The following DNASE1 variants were observed in gnomAD, a reference collection of about 807,000 sequenced individuals.
DNASE1 encodes deoxyribonuclease-1.
A neutral mutation model predicts 33.9 loss-of-function variants in DNASE1; 40 were observed. The ratio of observed to expected loss-of-function variants is 1.18; its 90% confidence interval spans 0.92 to 1.54. The LOEUF (loss-of-function observed/expected upper bound fraction) is 1.54, where lower values mean the gene tolerates loss of function less well. DNASE1 is among the 40% of genes most tolerant of loss of function. DNASE1 has a pLI of 0.00. For synonymous variants in DNASE1, 216 were observed against 160.0 expected (o/e 1.35, Z -2.64); for missense variants, 518 against 372.6 (o/e 1.39, Z -3.21).
chr16:3,645,355 C>T (rs2042141881), intron 1 of DNASE1, among the ~76,000 whole-genome samples: 2 of 152,178 alleles, frequency 1.3e-5, no homozygotes, highest in African/African-American at 2.4e-5. Context: ...TTCATTGCGA[C>T]CCTTGTTGGA....
At chr16:3,663,568 G>C in exon 10 of DNASE1, 1 of 1,613,686 alleles carries the variant, frequency 6.2e-7, no homozygotes, top group Non-Finnish European at 8.5e-7. Flanking sequence ...AGAACCTGCA[G>C]GTGGCCAAGA....
downstream of DNASE1, chr16:3,661,838 G>C: frequency 9.2e-7 from 1 of 1,083,572 alleles, no homozygotes; most frequent in Non-Finnish European, 1.2e-6. Context: ...CATGGGTGCA[G>C]CCTAAACTGC....
At chr16:3,661,090 G>T (rs2043048836), downstream of DNASE1, 1 of 151,964 alleles carries the variant, frequency 6.6e-6, no homozygotes, top group South Asian at 2.1e-4. Context: ...TCATATACAA[G>T]TTAGTTCATA....
chr16:3,626,853 A>G (rs968934994), intron 1 of DNASE1, among the ~76,000 whole-genome samples: 12 of 152,020 alleles, frequency 7.9e-5, no homozygotes, highest in Non-Finnish European at 1.2e-4. Flanking sequence ...TCATTATGTA[A>G]TAGCCCTCTT....
At chr16:3,655,700 C>A in intron 2 of DNASE1, 149 bp from the exon 3 acceptor site, 1 of 1,366,696 alleles carries the variant, frequency 7.3e-7, no homozygotes, top group Non-Finnish European at 1.0e-6. Flanking sequence ...CTGTGCTGTC[C>A]CTGGCTGGCA....
At chr16:3,654,179 T>C (rs1384731641), upstream of DNASE1, 1 of 396,036 alleles carries the variant, frequency 2.5e-6, no homozygotes, top group African/African-American at 2.1e-5. Context: ...CTTTAGCTGC[T>C]GCCCTGCCCT....
chr16:3,629,157 G>A lies in DNASE1; in HGVS notation c.-1358-11558G>A, dbSNP rs552343252. Among the ~76,000 whole-genome samples the A allele has an allele frequency of 3.5e-3, 449 of 128,808 alleles. 2 individuals are homozygous for A. Among genetic ancestry groups the A allele is most frequent in the Middle Eastern group, 0.032 (6 of 188 alleles). The allele number at this position is 128,808 out of a possible 152,430, so 84.5% of individuals were successfully genotyped here. On this transcript the variant is annotated intron_variant and NMD_transcript_variant, in intron 1 of 11. Coordinates refer to the DNASE1 transcript ENST00000570769. ...ACTGCACTCCAGCCTGGGCGACAGAGCAAGACTAAGTCTCAAAAAAAAAAA... is the reference window on the plus strand; with the variant it reads ...ACTGCACTCCAGCCTGGGCGACAGAACAAGACTAAGTCTCAAAAAAAAAAA...
chr16:3,656,574 T>C (rs1007798641), intron 4 of DNASE1, 64 bp from the exon 5 acceptor site: 1 of 1,430,666 alleles, frequency 7.0e-7, no homozygotes, highest in African/African-American at 1.4e-5. Context: ...GCCTGCCTCC[T>C]GGGAAGCAGG....
At chr16:3,653,283 ACTGAC>A (rs1172713961), upstream of DNASE1, 1 of 152,204 alleles carries the variant, frequency 6.6e-6, no homozygotes, top group Admixed American at 6.5e-5. Context: ...GCAAGGTCCT[ACTGAC>A]TCCCTGACTT....
intron 1 of DNASE1, among the ~76,000 whole-genome samples, chr16:3,619,464 C>T (rs971160539): frequency 2.0e-5 from 3 of 151,302 alleles, no homozygotes; most frequent in African/African-American, 7.3e-5. Context: ...CAGTTGCATG[C>T]CATTCTCCTG....
At chr16:3,648,784 A>G (rs2042246248) in intron 1 of DNASE1, among the ~76,000 whole-genome samples, 2 of 152,238 alleles carry the variant, frequency 1.3e-5, no homozygotes, top group African/African-American at 4.8e-5. Flanking sequence ...TTTGTTACAC[A>G]AATGTCTGTT....
Position 3,657,114 on chromosome 16 carries a change from G to A in DNASE1, c.549+3G>A. The A allele has an allele frequency of 2.5e-6, 4 of 1,614,108 alleles. No individual in the cohort carries two copies. The highest frequency in any genetic ancestry group is 3.4e-6 in the Non-Finnish European group (4 of 1,180,014). On this transcript the variant is annotated splice_donor_region_variant and intron_variant, in intron 6 of 8. Transcript: ENST00000246949. The stretch of plus-strand genomic sequence containing the variant: ...TCCAAGAGAAATGGGGCTTGGAGGT[G>A]AGGCCCTCCCAGGGGCAGTGGGCAC...
At chr16:3,655,566 T>A in intron 2 of DNASE1, 46 bp downstream of exon 2, 1 of 1,612,818 alleles carries the variant, frequency 6.2e-7, no homozygotes, top group Non-Finnish European at 8.5e-7. Context: ...AGCTCTGGAG[T>A]CTAGGGCTGG....
intron 1 of DNASE1, among the ~76,000 whole-genome samples, chr16:3,643,214 T>G (rs1049345384): frequency 9.2e-5 from 14 of 152,188 alleles, no homozygotes; most frequent in African/African-American, 3.1e-4. Flanking sequence ...CGGCTGGACC[T>G]GAGGGGCCAA....
intron 1 of DNASE1, among the ~76,000 whole-genome samples, chr16:3,634,911 C>G (rs1450171665): frequency 6.6e-6 from 1 of 152,100 alleles, no homozygotes; most frequent in African/African-American, 2.4e-5. Flanking sequence ...CTGATCAGTA[C>G]AGGAGTTTTG....
At chr16:3,618,085 CAAAAA>C (rs71392849) in intron 1 of DNASE1, among the ~76,000 whole-genome samples, 15 of 104,190 alleles carry the variant, frequency 1.4e-4, no homozygotes, top group African/African-American at 4.5e-4. Flanking sequence ...AAGCCAAGAC[CAAAAA>C]AAAAAAAAAA....
At chr16:3,612,641 G>T (rs1455228699) in intron 1 of DNASE1, among the ~76,000 whole-genome samples, 6 of 142,926 alleles carry the variant, frequency 4.2e-5, no homozygotes, top group Admixed American at 7.1e-5. Flanking sequence ...AGCCCTGGCC[G>T]CAAGAGATCC....
At chr16:3,631,340 G>T (rs1292221424) in intron 1 of DNASE1, among the ~76,000 whole-genome samples, 1 of 151,580 alleles carries the variant, frequency 6.6e-6, no homozygotes, top group African/African-American at 2.4e-5. Flanking sequence ...TAGTAGCTGG[G>T]ACTACAAGTG....
intron 1 of DNASE1, among the ~76,000 whole-genome samples, chr16:3,613,908 A>ATGTTTTTTTTTT (rs2041000302): frequency 8.8e-6 from 1 of 113,140 alleles, no homozygotes; most frequent in African/African-American, 3.7e-5. Context: ...CGCCTGGCTA[A>ATGTTTTTTTTTT]TTTTTTTTTT....
Sources: gnomAD v4.1 joint callset for allele counts (sites outside exome capture counted in the v4.1 genomes callset) on GRCh38, gnomAD v4.1.1 for gene constraint, MANE v1.5 for transcripts, NCBI Gene and HGNC (gene_info 2026-07-23, HGNC 2026-07-21) for gene names.